C11orf65: variants seen among roughly 807,000 people sequenced by gnomAD.
C11orf65 encodes the protein protein MFI.
C11orf65 carries 38 observed loss-of-function variants against 35.3 expected under a neutral mutation model. The observed-to-expected ratio is 1.08, with a 90% CI of 0.83 to 1.41. C11orf65 has a LOEUF of 1.41. Ranked by LOEUF, C11orf65 falls within the 40% of genes most tolerant of loss-of-function variation. The pLI is 0.00. For missense variants in C11orf65, 370 were observed against 367.1 expected, an observed-to-expected ratio of 1.01 and a Z score of -0.06; for synonymous variants, 105 against 114.4, an observed-to-expected ratio of 0.92 and a Z score of 0.53.
intron 3 of C11orf65, among the ~76,000 whole-genome samples, chr11:108,424,935 T>C (rs1232258854): frequency 1.3e-5 from 2 of 152,120 alleles, no homozygotes; most frequent in Admixed American, 6.6e-5. Flanking sequence ...AAGGCAGAAA[T>C]AAATAAGTTA....
At position 108,343,449 on chromosome 11, in the gene C11orf65, A is replaced by G. The variant is rs11824991; in HGVS notation, c.227-8157T>C. 8,889 of 1,552,152 alleles carry G rather than the reference A, an allele frequency of 5.7e-3. 447 individuals are homozygous for G. In the African/African-American group the frequency reaches 0.11, roughly 18 times the overall value. On this transcript the variant is annotated intron_variant, in intron 2 of 3. Coordinates refer to the C11orf65 transcript ENST00000524755. Reference sequence around the variant, plus strand: ...AAAGCTGACAGCTGTCAGATATTATAGAATACAAAAAAACTTTAATTTCAT... The same window carrying G: ...AAAGCTGACAGCTGTCAGATATTATGGAATACAAAAAAACTTTAATTTCAT...
chr11:108,397,745 A>T (rs1362129700), intron 6 of C11orf65, among the ~76,000 whole-genome samples: 1 of 152,220 alleles, frequency 6.6e-6, no homozygotes, highest in South Asian at 2.1e-4. Flanking sequence ...AACTCTATGA[A>T]AAGGAAATGT....
In C11orf65 at chr11:108,354,866, A is replaced by G. The variant is rs1333760745; in HGVS notation, c.227-19574T>C. ...AAACTCTCAGGAAACTCTGTTAACCATTGTAGAGGTAAAGTATTTTATAAG... is the reference window on the plus strand; with the variant it reads ...AAACTCTCAGGAAACTCTGTTAACCGTTGTAGAGGTAAAGTATTTTATAAG... On this transcript the variant is annotated intron_variant, in intron 2 of 3. Coordinates refer to the C11orf65 transcript ENST00000524755. 6.2e-7 allele frequency: 1 copy of G among 1,612,552 alleles called. No homozygotes were observed. Among genetic ancestry groups the G allele is most frequent in the East Asian group, 2.2e-5 (1 of 44,858 alleles).
At chr11:108,416,287 G>C (rs1299959180) in intron 3 of C11orf65, among the ~76,000 whole-genome samples, 3 of 152,150 alleles carry the variant, frequency 2.0e-5, no homozygotes, top group Admixed American at 6.5e-5. Context: ...AATGGGCAAA[G>C]GACCTGTAAA....
At position 108,326,224 on chromosome 11, in the gene C11orf65, C is replaced by T. The variant is rs200940211; in HGVS notation, c.641-17153G>A. The T allele has an allele frequency of 1.4e-5, 22 of 1,613,444 alleles. No homozygotes were observed. The highest frequency in any genetic ancestry group is 2.2e-5 in the East Asian group (1 of 44,878). ...AAGAAGTTGGATGCCAGCTGTGCAG[C>T]GGTTTGTTTTTTTTATTGGCTGGAT... On this transcript the variant is annotated intron_variant, in intron 6 of 6. Coordinates refer to the C11orf65 transcript ENST00000525729.
intron 6 of C11orf65, among the ~76,000 whole-genome samples, chr11:108,310,502 A>T (rs947689518): frequency 6.6e-6 from 1 of 152,208 alleles, no homozygotes; most frequent in African/African-American, 2.4e-5. Context: ...CTGAAATAAT[A>T]GGAATGCTTA....
In C11orf65 at chr11:108,429,719, G is replaced by A. The variant is rs142968688; in HGVS notation, c.174+2027C>T. Among the ~76,000 whole-genome samples, 185 of 152,262 alleles carry A rather than the reference G, an allele frequency of 1.2e-3. 1 individual carries two copies. The East Asian group carries it at 0.013, about 10-fold the overall frequency. ...ATTTATAGAAGCATTATTCATAATA[G>A]CTAAAACATGGAAGCAACCCAAGTG... On this transcript the variant is annotated intron_variant, in intron 3 of 8. Coordinates refer to ENST00000393084, the MANE Select transcript of C11orf65 (RefSeq NM_152587.5).
At chr11:108,356,953 G>C (rs150440359) in intron 2 of C11orf65, among the ~76,000 whole-genome samples, 7 of 152,310 alleles carry the variant, frequency 4.6e-5, no homozygotes, top group African/African-American at 1.2e-4. Flanking sequence ...CAAGATGGCC[G>C]AATAGGAACA....
chr11:108,310,018 G>A, intron 6 of C11orf65: 1 of 764,140 alleles, frequency 1.3e-6, no homozygotes, highest in Non-Finnish European at 2.1e-6. Context: ...ATGTTTATAG[G>A]TATATATTGG....
chr11:108,384,105 T>C (rs2091931370), intron 8 of C11orf65, among the ~76,000 whole-genome samples: 3 of 152,156 alleles, frequency 2.0e-5, no homozygotes, highest in Non-Finnish European at 2.9e-5. Flanking sequence ...CAAGTGATCC[T>C]CCAAACTTAG....
At chr11:108,444,632 G>C (rs2093220161) in intron 2 of C11orf65, among the ~76,000 whole-genome samples, 1 of 152,180 alleles carries the variant, frequency 6.6e-6, no homozygotes, top group Non-Finnish European at 1.5e-5. Flanking sequence ...GTGGAGCCAA[G>C]ATGGCCGAAT....
chr11:108,357,096 C>T (rs958754380), intron 2 of C11orf65, among the ~76,000 whole-genome samples: 2 of 152,214 alleles, frequency 1.3e-5, no homozygotes, highest in South Asian at 2.1e-4. Context: ...ACGCACTGTG[C>T]GCGAACTGAA....
Position 108,406,928 on chromosome 11 carries a change from A to G in C11orf65, c.264T>C (p.Phe88=). 2 of 1,612,368 alleles carry G rather than the reference A, an allele frequency of 1.2e-6. No individual in the cohort carries two copies. The highest frequency in any genetic ancestry group is 2.2e-5 in the East Asian group (1 of 44,780). ...KFPPDIYYKI[F]THRPIEDLCA... ...AGAGATCTTCAATAGGTCTGTGAGT[A>G]AAAATCTTATAGTATATATCAGGTG... Residue 88 remains phenylalanine (F), a synonymous_variant, in exon 5 of 9, where the codon TTT becomes TTC. Coordinates refer to ENST00000393084, the MANE Select transcript of C11orf65 (RefSeq NM_152587.5).
chr11:108,465,997 A>C (rs1031937891), intron 1 of C11orf65, among the ~76,000 whole-genome samples: 15 of 98,702 alleles, frequency 1.5e-4, no homozygotes, highest in African/African-American at 7.3e-4. Flanking sequence ...AAAAAAAAAA[A>C]CAACAACAAC....
downstream of C11orf65, chr11:108,330,538 A>G: frequency 1.0e-6 from 1 of 990,888 alleles, no homozygotes; most frequent in Non-Finnish European, 1.6e-6. Context: ...CCAGTGCTCT[A>G]CACATAAGTA....
At chr11:108,443,344 A>G (rs1175929614) in intron 2 of C11orf65, among the ~76,000 whole-genome samples, 2 of 152,296 alleles carry the variant, frequency 1.3e-5, no homozygotes, top group East Asian at 3.9e-4. Context: ...AGTGACCTAC[A>G]AAGAGACTTA....
At chr11:108,348,175 G>A (rs2137112579) in intron 2 of C11orf65, among the ~76,000 whole-genome samples, 1 of 151,958 alleles carries the variant, frequency 6.6e-6, no homozygotes, top group Middle Eastern at 3.5e-3. Context: ...TTTCTAGGTG[G>A]AATAGACAGT....
intron 2 of C11orf65, among the ~76,000 whole-genome samples, chr11:108,351,458 T>C (rs558196111): frequency 6.6e-6 from 1 of 152,354 alleles, no homozygotes; most frequent in South Asian, 2.1e-4. Flanking sequence ...TTATTTATTA[T>C]TATCTCTCAT....
At chr11:108,454,465 A>G (rs1436290074) in intron 2 of C11orf65, among the ~76,000 whole-genome samples, 1 of 151,340 alleles carries the variant, frequency 6.6e-6, no homozygotes, top group African/African-American at 2.4e-5. Flanking sequence ...TACCTGGCTA[A>G]TTTTGTATTT....
Sources: gnomAD v4.1 joint callset for allele counts (sites outside exome capture counted in the v4.1 genomes callset) on GRCh38, gnomAD v4.1.1 for gene constraint, MANE v1.5 for transcripts, NCBI Gene and HGNC (gene_info 2026-07-23, HGNC 2026-07-21) for gene names.